The following UGGT2 variants were observed in gnomAD, a reference collection of about 807,000 sequenced individuals.
The protein encoded by UGGT2 is UDP-glucose:glycoprotein glucosyltransferase 2.
In UGGT2, 180 loss-of-function variants were observed where a neutral mutation model predicts 192.1. The observed-to-expected ratio is 0.94, with a 90% CI of 0.83 to 1.06. UGGT2 has a LOEUF of 1.06. UGGT2 is among the 50% of genes least tolerant of loss of function. The pLI is 0.00. For synonymous variants in UGGT2, 580 were observed against 591.0 expected (o/e 0.98, Z 0.27); for missense variants, 1,849 against 1,795.7 (o/e 1.03, Z -0.54).
chr13:95,957,456 A>G (rs1329860889), intron 12 of UGGT2, among the ~76,000 whole-genome samples: 1 of 152,188 alleles, frequency 6.6e-6, no homozygotes, highest in Non-Finnish European at 1.5e-5. Flanking sequence ...GTCTTGACAA[A>G]TTAGCAGTCT....
At chr13:95,957,055 C>G (rs1293704358) in intron 12 of UGGT2, among the ~76,000 whole-genome samples, 1 of 152,090 alleles carries the variant, frequency 6.6e-6, no homozygotes, top group Non-Finnish European at 1.5e-5. Flanking sequence ...AAATATTATG[C>G]TAAGTGAAAT....
intron 1 of UGGT2, among the ~76,000 whole-genome samples, chr13:96,051,342 G>A (rs1437815314): frequency 6.6e-6 from 1 of 152,148 alleles, no homozygotes; most frequent in Non-Finnish European, 1.5e-5. Flanking sequence ...TGGGGTTGGG[G>A]GAGCGGGGGA....
chr13:95,875,354 T>C (rs1891584215), intron 29 of UGGT2, among the ~76,000 whole-genome samples: 1 of 152,200 alleles, frequency 6.6e-6, no homozygotes. Context: ...GATATATGCT[T>C]TGCAAAGATT....
At chr13:95,847,221 T>C (rs1041443423) in intron 36 of UGGT2, among the ~76,000 whole-genome samples, 1 of 152,268 alleles carries the variant, frequency 6.6e-6, no homozygotes. Context: ...TCACTGTTCC[T>C]ACACATGCAT....
chr13:95,855,226 C>A (rs1889478151), intron 34 of UGGT2, among the ~76,000 whole-genome samples: 1 of 150,982 alleles, frequency 6.6e-6, no homozygotes, highest in Non-Finnish European at 1.5e-5. Context: ...TCTGAGGCTA[C>A]AGTAAGCTAT....
intron 17 of UGGT2, 34 bp from the exon 18 acceptor site, chr13:95,927,370 G>C (rs571968884): frequency 6.5e-7 from 1 of 1,540,958 alleles, no homozygotes; most frequent in East Asian, 2.3e-5. Context: ...AGATAATACA[G>C]GCAATTTATA....
chr13:95,894,803 AG>A, intron 23 of UGGT2, 146 bp from the exon 24 acceptor site: 1 of 622,490 alleles, frequency 1.6e-6, no homozygotes, highest in Admixed American at 3.3e-5. Context: ...TACGTATAAT[AG>A]CATTTCTCTA....
chr13:96,048,138 C>G (rs1332797755), intron 1 of UGGT2, among the ~76,000 whole-genome samples: 1 of 152,188 alleles, frequency 6.6e-6, no homozygotes, highest in East Asian at 1.9e-4. Context: ...CATACTGTCT[C>G]TCAGACAACA....
At chr13:95,947,386 TC>T (rs2140592198) in intron 14 of UGGT2, among the ~76,000 whole-genome samples, 1 of 152,160 alleles carries the variant, frequency 6.6e-6, no homozygotes, top group East Asian at 1.9e-4. Context: ...TCACTCTCTC[TC>T]CCTCTAGTGC....
chr13:95,804,449 C>G (rs1288410671), intron 38 of UGGT2, among the ~76,000 whole-genome samples: 2 of 152,122 alleles, frequency 1.3e-5, no homozygotes, highest in Non-Finnish European at 2.9e-5. Context: ...TTTATAGAAA[C>G]AGGAAAACTC....
In UGGT2 at chr13:95,927,956, A is replaced by G. The variant is rs2049085189; in HGVS notation, c.1978-620T>C. On this transcript the variant is annotated intron_variant, in intron 17 of 38. Transcript: ENST00000376747. ...ATTTAACCCTTAGTGGACACAGCACATGTTTCAGAGAGCACGGGGTTGGGG... is the reference window on the plus strand; with the variant it reads ...ATTTAACCCTTAGTGGACACAGCACGTGTTTCAGAGAGCACGGGGTTGGGG... Among the ~76,000 whole-genome samples, 3 of 152,292 alleles carry G rather than the reference A, an allele frequency of 2.0e-5. No homozygotes were observed. In the South Asian group the frequency reaches 6.2e-4, roughly 32 times the overall value.
At chr13:95,943,252 C>A (rs577132974) in intron 15 of UGGT2, among the ~76,000 whole-genome samples, 1 of 151,996 alleles carries the variant, frequency 6.6e-6, no homozygotes, top group South Asian at 2.1e-4. Flanking sequence ...CCACTTTGGT[C>A]GGAAATGCAA....
At chr13:95,937,840 C>G (rs1388809326) in intron 16 of UGGT2, among the ~76,000 whole-genome samples, 1 of 152,130 alleles carries the variant, frequency 6.6e-6, no homozygotes, top group African/African-American at 2.4e-5. Flanking sequence ...GTGTGGTATA[C>G]TTATGCAATG....
At chr13:96,032,846 G>C (rs1191470505) in intron 1 of UGGT2, among the ~76,000 whole-genome samples, 1 of 152,168 alleles carries the variant, frequency 6.6e-6, no homozygotes, top group African/African-American at 2.4e-5. Flanking sequence ...AAAGGAAAAA[G>C]GAAGTCAGAA....
chr13:95,934,227 A>G (rs1262109902), intron 17 of UGGT2, among the ~76,000 whole-genome samples: 1 of 152,190 alleles, frequency 6.6e-6, no homozygotes, highest in East Asian at 1.9e-4. Context: ...GTCCATGAGT[A>G]TGACTGGTAT....
chr13:95,964,313 C>G (rs2050497963), intron 12 of UGGT2, among the ~76,000 whole-genome samples: 1 of 152,064 alleles, frequency 6.6e-6, no homozygotes, highest in Non-Finnish European at 1.5e-5. Context: ...GTACAGAAAT[C>G]AACTCAAGAT....
In UGGT2 at chr13:95,801,761, T is replaced by C; in HGVS notation, c.*29A>G. ...GCAGGCGGCAGGTTTCCTGTCATGC[T>C]TTCGCCTTCCTTCTCATATACACCA... On this transcript the variant is annotated 3_prime_UTR_variant, in exon 39 of 39. Coordinates refer to ENST00000376747, the MANE Select transcript of UGGT2 (RefSeq NM_020121.4). The C allele has an allele frequency of 6.2e-7, 1 of 1,610,970 alleles. No homozygotes were observed. Among genetic ancestry groups the C allele is most frequent in the Non-Finnish European group, 8.5e-7 (1 of 1,178,714 alleles).
At chr13:95,920,845 C>T (rs1020244253) in intron 20 of UGGT2, among the ~76,000 whole-genome samples, 9 of 152,120 alleles carry the variant, frequency 5.9e-5, no homozygotes, top group African/African-American at 1.4e-4. Flanking sequence ...GGCATATACA[C>T]AAAGGAATAT....
Position 95,927,352 on chromosome 13 carries a change from T to G in UGGT2, c.1978-16A>C. On this transcript the variant is annotated splice_polypyrimidine_tract_variant and intron_variant, in intron 17 of 38. Transcript: ENST00000376747. ...TTAATGTGCCCTAAAAAAACAAAAA[T>G]GTTATTTAGATAATACAGGCAATTT... The G allele has an allele frequency of 1.3e-6, 2 of 1,588,732 alleles. No homozygotes were observed. Among genetic ancestry groups the G allele is most frequent in the Non-Finnish European group, 1.7e-6 (2 of 1,170,882 alleles).
Sources: allele counts gnomAD v4.1 joint callset (sites outside exome capture counted in the v4.1 genomes callset), GRCh38; gene constraint gnomAD v4.1.1; transcripts MANE v1.5; gene names NCBI Gene and HGNC (gene_info 2026-07-23, HGNC 2026-07-21).